CAMTA1: variants seen among roughly 807,000 people sequenced by gnomAD.
CAMTA1 encodes the protein calmodulin binding transcription activator 1, also known as calmodulin-binding transcription activator 1.
In CAMTA1, 27 loss-of-function variants were observed where a neutral mutation model predicts 170.9. The observed-to-expected ratio is 0.16, with a 90% CI of 0.12 to 0.22. The LOEUF is 0.22. CAMTA1 is among the 10% of genes least tolerant of loss of function. The probability of loss-of-function intolerance (pLI) is 1.00; values close to 1 mark genes in which losing one functional copy is unlikely to be tolerated. For missense variants in CAMTA1, 1,619 were observed against 2,217.2 expected (o/e 0.73, Z 5.42); for synonymous variants, 833 against 891.5 (o/e 0.93, Z 1.17).
rs142713843 is a variant in CAMTA1, at chr1:7,014,327, C to T, written c.235-76977C>T. 3.3e-5 allele frequency: 5 copies of T among 152,420 alleles called. No homozygotes were observed. The East Asian group carries it at 9.6e-4, about 29-fold the overall frequency. 9.4% of individuals were successfully genotyped at this position (152,420 alleles called of 1,614,324 possible). A position where few individuals can be genotyped will look rare whatever the true frequency, so the allele number is the denominator to read the frequency against. On this transcript the variant is annotated intron_variant, in intron 3 of 22. Transcript: ENST00000303635. This position sits in a 1 kb window ranked among gnomAD's most constrained non-coding sequence, Gnocchi z 4.2. ...TAGGCCCTGCAAAAGCTGCAAACAA[C>T]AGTTTGTGTTTGGGGTGTGAGGCTA...
At chr1:7,589,318 C>T (rs564868205) in intron 6 of CAMTA1, among the ~76,000 whole-genome samples, 54 of 152,274 alleles carry the variant, frequency 3.5e-4, no homozygotes, top group Admixed American at 1.4e-3. Flanking sequence ...CTCTACACAC[C>T]CCGGCCGCTG....
intron 5 of CAMTA1, among the ~76,000 whole-genome samples, chr1:7,321,008 A>G (rs1026835078): frequency 9.9e-5 from 15 of 152,192 alleles, no homozygotes; most frequent in African/African-American, 3.6e-4. Flanking sequence ...CCCAATGCAT[A>G]GTTACCCAAA....
chr1:7,543,842 T>C lies in CAMTA1; in HGVS notation c.510+75941T>C, dbSNP rs865919312. Among the ~76,000 whole-genome samples the C allele has an allele frequency of 3.9e-3, 598 of 152,270 alleles. 2 individuals carry two copies. Among genetic ancestry groups the C allele is most frequent in the African/African-American group, 0.013 (525 of 41,558 alleles). On this transcript the variant is annotated intron_variant, in intron 6 of 22. Transcript: ENST00000303635. ...AGTGCTGGCAGCGAGCAGAACTTTT[T>C]TTTTTTTTTCTGAACAGGAAAAGGG...
At chr1:7,313,139 A>C (rs954855444) in intron 5 of CAMTA1, among the ~76,000 whole-genome samples, 6 of 152,224 alleles carry the variant, frequency 3.9e-5, no homozygotes, top group Admixed American at 3.9e-4. Context: ...GCCTCTGGCT[A>C]ACATGAATTT....
At chr1:7,382,178 G>T (rs975699177) in intron 5 of CAMTA1, among the ~76,000 whole-genome samples, 4 of 152,226 alleles carry the variant, frequency 2.6e-5, no homozygotes, top group Admixed American at 2.6e-4. Flanking sequence ...GGTAGGAAAT[G>T]TAGGCTTCAC....
chr1:6,786,036 C>T (rs759440410), intron 1 of CAMTA1, among the ~76,000 whole-genome samples: 67 of 151,700 alleles, frequency 4.4e-4, no homozygotes, highest in Admixed American at 4.6e-4. Context: ...CCCACTGCTC[C>T]GGGCCGGTCC....
At chr1:7,391,820 T>C (rs2088752589) in intron 5 of CAMTA1, among the ~76,000 whole-genome samples, 1 of 152,218 alleles carries the variant, frequency 6.6e-6, no homozygotes, top group African/African-American at 2.4e-5. Context: ...GATTTATCCA[T>C]GTAGTTGCAT....
intron 5 of CAMTA1, among the ~76,000 whole-genome samples, chr1:7,319,413 C>T (rs969484493): frequency 1.3e-5 from 2 of 152,134 alleles, no homozygotes; most frequent in African/African-American, 2.4e-5. Flanking sequence ...GACATCTCCA[C>T]CCCGCTTCCT....
In CAMTA1 at chr1:6,890,931, G is replaced by T. The variant is rs188806221; in HGVS notation, c.234+65721G>T. 1.5e-3 allele frequency among the ~76,000 whole-genome samples: 229 copies of T among 152,296 alleles called. 1 individual carries two copies. Among genetic ancestry groups the T allele is most frequent in the Non-Finnish European group, 2.8e-3 (191 of 68,022 alleles). On this transcript the variant is annotated intron_variant, in intron 3 of 22. Transcript: ENST00000303635. ...AAAAACTGAATCCTGTCATCACTCTGAAAAGTTGTGGGACCTCAAGAAAGT... is the reference window on the plus strand; with the variant it reads ...AAAAACTGAATCCTGTCATCACTCTTAAAAGTTGTGGGACCTCAAGAAAGT...
chr1:7,028,754 G>A (rs893385408), intron 3 of CAMTA1, among the ~76,000 whole-genome samples: 1 of 152,158 alleles, frequency 6.6e-6, no homozygotes, highest in Admixed American at 6.5e-5. Context: ...TCCTTTGCAC[G>A]TGCTCAGTAA....
intron 3 of CAMTA1, among the ~76,000 whole-genome samples, chr1:6,994,256 C>T (rs1696846651): frequency 6.6e-6 from 1 of 152,142 alleles, no homozygotes; most frequent in Non-Finnish European, 1.5e-5. Flanking sequence ...TATAATCATA[C>T]TTTGGAAGAT....
chr1:7,530,540 T>G (rs2094479087), intron 6 of CAMTA1, among the ~76,000 whole-genome samples: 1 of 150,938 alleles, frequency 6.6e-6, no homozygotes, highest in African/African-American at 2.4e-5. Flanking sequence ...GTCCCGGGGG[T>G]GGGTTATAGA....
At chr1:7,750,145 G>T (rs1241374183) in intron 19 of CAMTA1, among the ~76,000 whole-genome samples, 1 of 152,160 alleles carries the variant, frequency 6.6e-6, no homozygotes, top group Non-Finnish European at 1.5e-5. Context: ...GAAACCACAG[G>T]GGCTCTGTAG....
intron 5 of CAMTA1, among the ~76,000 whole-genome samples, chr1:7,273,523 C>A (rs1670151420): frequency 6.6e-6 from 1 of 152,152 alleles, no homozygotes; most frequent in African/African-American, 2.4e-5. Flanking sequence ...CAGAATAGGG[C>A]AACCTATAGA....
At chr1:7,713,690 C>T (rs1348067047) in intron 11 of CAMTA1, among the ~76,000 whole-genome samples, 1 of 152,164 alleles carries the variant, frequency 6.6e-6, no homozygotes, top group Non-Finnish European at 1.5e-5. Flanking sequence ...GATAGACCAT[C>T]CTCACAAAAT....
At chr1:7,331,089 A>C (rs1324325079) in intron 5 of CAMTA1, among the ~76,000 whole-genome samples, 1 of 152,140 alleles carries the variant, frequency 6.6e-6, no homozygotes, top group East Asian at 1.9e-4. Context: ...AAAATACAAA[A>C]ATTAGCTGGG....
At chr1:7,743,690 TAAGAACCCG>T (rs1444192854) in intron 16 of CAMTA1, among the ~76,000 whole-genome samples, 3 of 152,124 alleles carry the variant, frequency 2.0e-5, no homozygotes, top group Non-Finnish European at 4.4e-5. Context: ...TCAGTTCACT[TAAGAACCCG>T]AAGTGCTGTG....
chr1:7,638,552 G>A (rs1180301504), intron 6 of CAMTA1, among the ~76,000 whole-genome samples: 1 of 152,010 alleles, frequency 6.6e-6, no homozygotes, highest in Non-Finnish European at 1.5e-5. Context: ...TGAGGCGGGA[G>A]AATTGCTTGA....
intron 1 of CAMTA1, among the ~76,000 whole-genome samples, chr1:6,812,776 C>G: frequency 6.6e-6 from 1 of 152,134 alleles, no homozygotes; most frequent in East Asian, 1.9e-4. Flanking sequence ...AATAGAGAAT[C>G]AATTAATCTG....
Sources: gnomAD v4.1 joint callset for allele counts (sites outside exome capture counted in the v4.1 genomes callset) on GRCh38, gnomAD v4.1.1 for gene constraint, Gnocchi (gnomAD v3.1) non-coding constraint, MANE v1.5 for transcripts, NCBI Gene and HGNC (gene_info 2026-07-23, HGNC 2026-07-21) for gene names.